The following RHOJ variants were observed in gnomAD, a reference collection of about 807,000 sequenced individuals.
RHOJ encodes the protein ras homolog family member J.
In RHOJ, 11 loss-of-function variants were observed where a neutral mutation model predicts 23.4. The observed-to-expected ratio is 0.47, with a 90% CI of 0.30 to 0.78. RHOJ has a LOEUF of 0.78. Ranked by LOEUF, RHOJ falls within the 30% of genes least tolerant of loss-of-function variation. The pLI is 0.08. For missense variants in RHOJ, 254 were observed against 273.4 expected, an observed-to-expected ratio of 0.93 and a Z score of 0.50; for synonymous variants, 102 against 102.7, an observed-to-expected ratio of 0.99 and a Z score of 0.04.
intron 1 of RHOJ, among the ~76,000 whole-genome samples, chr14:63,263,015 G>C (rs925755326): frequency 6.6e-6 from 1 of 152,220 alleles, no homozygotes; most frequent in African/African-American, 2.4e-5. Context: ...TTTGCTGAAA[G>C]AGGAAAAATA....
intron 1 of RHOJ, among the ~76,000 whole-genome samples, chr14:63,234,030 A>G (rs1894743277): frequency 6.6e-6 from 1 of 152,216 alleles, no homozygotes; most frequent in Non-Finnish European, 1.5e-5. Context: ...TGTCAGTCCC[A>G]CACTCTCATT....
At chr14:63,219,933 C>T (rs899607957) in intron 1 of RHOJ, among the ~76,000 whole-genome samples, 3 of 152,094 alleles carry the variant, frequency 2.0e-5, no homozygotes, top group South Asian at 2.1e-4. Flanking sequence ...ATTAACTTAA[C>T]GAGCAGCTCC....
At chr14:63,257,242 A>C (rs947715471) in intron 1 of RHOJ, among the ~76,000 whole-genome samples, 4 of 146,058 alleles carry the variant, frequency 2.7e-5, no homozygotes, top group African/African-American at 1.0e-4. Context: ...TCTCCAAAAA[A>C]AAAAAAAAAA....
intron 2 of RHOJ, among the ~76,000 whole-genome samples, chr14:63,279,047 C>T (rs1483382136): frequency 6.6e-6 from 1 of 152,140 alleles, no homozygotes; most frequent in Non-Finnish European, 1.5e-5. Flanking sequence ...GTAGCTCCCT[C>T]TGGGGAGAGG....
chr14:63,223,128 G>T (rs542303848), intron 1 of RHOJ, among the ~76,000 whole-genome samples: 5 of 152,184 alleles, frequency 3.3e-5, no homozygotes, highest in African/African-American at 9.7e-5. Context: ...GATGCAAGTC[G>T]CATGTGAAGA....
chr14:63,264,389 T>C (rs79231941), intron 1 of RHOJ, among the ~76,000 whole-genome samples: 11,508 of 152,298 alleles, frequency 0.076, 481 homozygotes, highest in African/African-American at 0.12. Flanking sequence ...ATGAGGTATA[T>C]GCACAAGGCT....
chr14:63,211,612 G>A (rs1277525210), intron 1 of RHOJ, among the ~76,000 whole-genome samples: 2 of 152,022 alleles, frequency 1.3e-5, no homozygotes, highest in Non-Finnish European at 2.9e-5. Context: ...ACTTTGTGTT[G>A]GGAACATTCT....
In RHOJ at chr14:63,291,082, T is replaced by A. The variant is rs751885066; in HGVS notation, c.*58T>A. On this transcript the variant is annotated 3_prime_UTR_variant, in exon 5 of 5. Transcript: ENST00000316754. ...GGATGAGAATGGCAGCCAATCTCTG[T>A]GGCCAAGCTCCAGCCAAAAAGGAGG... 6.3e-7 allele frequency: 1 copy of A among 1,597,380 alleles called. No individual in the cohort carries two copies. Among genetic ancestry groups the A allele is most frequent in the South Asian group, 1.1e-5 (1 of 90,712 alleles).
intron 1 of RHOJ, among the ~76,000 whole-genome samples, chr14:63,237,778 G>T (rs1228468684): frequency 2.6e-5 from 4 of 152,200 alleles, no homozygotes; most frequent in Non-Finnish European, 2.9e-5. Flanking sequence ...GGATTCGAAG[G>T]TTAGACTGAA....
chr14:63,237,216 G>A (rs1449543648), intron 1 of RHOJ, among the ~76,000 whole-genome samples: 2 of 152,074 alleles, frequency 1.3e-5, no homozygotes, highest in Non-Finnish European at 2.9e-5. Context: ...GAGAAAATAT[G>A]AGCAAGAGAA....
chr14:63,245,351 A>T (rs1008868870), intron 1 of RHOJ, among the ~76,000 whole-genome samples: 15 of 152,140 alleles, frequency 9.9e-5, no homozygotes, highest in Admixed American at 7.2e-4. Flanking sequence ...TATACTATTT[A>T]AAAAATTCTC....
At chr14:63,210,259 C>T (rs1255081117) in intron 1 of RHOJ, among the ~76,000 whole-genome samples, 1 of 152,170 alleles carries the variant, frequency 6.6e-6, no homozygotes, top group African/African-American at 2.4e-5. Context: ...CACGCCCAGC[C>T]AGCATTGAAT....
intron 1 of RHOJ, among the ~76,000 whole-genome samples, chr14:63,246,575 C>T (rs138558120): frequency 6.6e-6 from 1 of 152,272 alleles, no homozygotes; most frequent in East Asian, 1.9e-4. Flanking sequence ...ACATAAAGCA[C>T]TTGGTACAGT....
intron 1 of RHOJ, among the ~76,000 whole-genome samples, chr14:63,247,646 T>C (rs756534822): frequency 7.2e-5 from 11 of 152,228 alleles, no homozygotes; most frequent in Non-Finnish European, 1.6e-4. Flanking sequence ...GGTAGAATAA[T>C]GATAGGGGCA....
chr14:63,281,563 T>C (rs931097914), intron 3 of RHOJ, among the ~76,000 whole-genome samples: 7 of 152,104 alleles, frequency 4.6e-5, no homozygotes, highest in Admixed American at 6.5e-5. Context: ...AGGCATTCTA[T>C]GACAGGAACT....
intron 2 of RHOJ, among the ~76,000 whole-genome samples, chr14:63,276,208 G>T (rs550892411): frequency 7.9e-6 from 1 of 126,738 alleles, no homozygotes; most frequent in African/African-American, 4.4e-5. Flanking sequence ...CCTCAGCTTC[G>T]GTGGGGGGGG....
intron 1 of RHOJ, among the ~76,000 whole-genome samples, chr14:63,216,577 C>T (rs1031489522): frequency 6.6e-6 from 1 of 152,158 alleles, no homozygotes; most frequent in East Asian, 1.9e-4. Flanking sequence ...CTCAGGAGTC[C>T]TCCTCTCTGC....
At chr14:63,205,550 C>T (rs1894091946) in intron 1 of RHOJ, among the ~76,000 whole-genome samples, 1 of 152,112 alleles carries the variant, frequency 6.6e-6, no homozygotes, top group Non-Finnish European at 1.5e-5. Context: ...TGCTATAATA[C>T]TATAGTTTTG....
intron 2 of RHOJ, among the ~76,000 whole-genome samples, chr14:63,271,496 A>G (rs1895468291): frequency 6.6e-6 from 1 of 152,266 alleles, no homozygotes; most frequent in African/African-American, 2.4e-5. Context: ...AATCACCTGT[A>G]GGGCTTGTCA....
Sources: allele counts gnomAD v4.1 joint callset (sites outside exome capture counted in the v4.1 genomes callset), GRCh38; gene constraint gnomAD v4.1.1; transcripts MANE v1.5; gene names NCBI Gene and HGNC (gene_info 2026-07-23, HGNC 2026-07-21).